IQGAP2: variants seen among roughly 807,000 people sequenced by gnomAD.
IQGAP2 encodes the protein IQ motif containing GTPase activating protein 2.
A neutral mutation model predicts 201.3 loss-of-function variants in IQGAP2; 173 were observed. The ratio of observed to expected loss-of-function variants is 0.86; its 90% CI spans 0.76 to 0.98. The LOEUF (loss-of-function observed/expected upper bound fraction) is 0.98, where lower values mean the gene tolerates loss of function less well. IQGAP2 is among the 50% of genes least tolerant of loss of function. The probability of loss-of-function intolerance (pLI) is 0.00; values close to 1 mark genes in which losing one functional copy is unlikely to be tolerated. For missense variants in IQGAP2, 1,687 were observed against 1,864.8 expected (o/e 0.90, Z 1.76); for synonymous variants, 675 against 673.9 (o/e 1.00, Z -0.03).
At chr5:76,660,598 A>G (rs1743162980) in intron 21 of IQGAP2, among the ~76,000 whole-genome samples, 1 of 152,236 alleles carries the variant, frequency 6.6e-6, no homozygotes, top group East Asian at 1.9e-4. Context: ...AAACACAATC[A>G]TGGCAAGTTA....
chr5:76,673,368 C>A, intron 24 of IQGAP2, 81 bp from the exon 25 acceptor site: 1 of 1,465,232 alleles, frequency 6.8e-7, no homozygotes, highest in South Asian at 1.3e-5. Context: ...CTATACAAAG[C>A]TTGACTATAG....
At chr5:76,637,923 G>A (rs560717989) in intron 16 of IQGAP2, among the ~76,000 whole-genome samples, 1 of 152,238 alleles carries the variant, frequency 6.6e-6, no homozygotes, top group African/African-American at 2.4e-5. Flanking sequence ...ACTACTAAAG[G>A]TCCCTTTTAA....
intron 23 of IQGAP2, among the ~76,000 whole-genome samples, chr5:76,670,820 T>C (rs546001183): frequency 7.5e-4 from 115 of 152,338 alleles, no homozygotes; most frequent in African/African-American, 2.6e-3. Context: ...AAGTTGTTTT[T>C]GAAATTTGAT....
chr5:76,404,756 T>C (rs1750703958), intron 1 of IQGAP2, among the ~76,000 whole-genome samples: 4 of 152,238 alleles, frequency 2.6e-5, no homozygotes, highest in Admixed American at 1.3e-4. Flanking sequence ...CTACAGCCTC[T>C]GTACTCTAAT....
chr5:76,611,124 C>T lies in IQGAP2; in HGVS notation c.1462C>T (p.Pro488Ser), dbSNP rs756855268. 1.9e-6 allele frequency: 3 copies of T among 1,613,860 alleles called. No individual in the cohort carries two copies. In the Admixed American group the frequency reaches 5.0e-5, roughly 27 times the overall value. ...LPTANISDVD[P>S]AHAQHYQDVL... ...TACTGCGAATATTAGTGATGTGGAC[C>T]CAGCCCATGCCCAGCACTACCAGGA... is the stretch of plus-strand genomic sequence containing the variant. The change falls in exon 13 of 36, where the codon CCA becomes TCA. Residue 488 changes from proline (P) to serine (S), a missense_variant. Coordinates refer to ENST00000274364, the MANE Select transcript of IQGAP2 (RefSeq NM_006633.5).
chr5:76,624,269 A>G (rs1434359566), intron 13 of IQGAP2: 1 of 152,284 alleles, frequency 6.6e-6, no homozygotes, highest in African/African-American at 2.4e-5. Context: ...CTTAATATAC[A>G]GTAAAAAAAT....
chr5:76,548,619 G>A (rs1743243438), intron 2 of IQGAP2, among the ~76,000 whole-genome samples: 1 of 152,186 alleles, frequency 6.6e-6, no homozygotes, highest in African/African-American at 2.4e-5. Flanking sequence ...GTAATCTTGA[G>A]CAAATTACTT....
rs532360919 is a variant in IQGAP2, at chr5:76,546,782, T to G, written c.147-15614T>G. On this transcript the variant is annotated intron_variant, in intron 2 of 35. Coordinates refer to ENST00000274364, the MANE Select transcript of IQGAP2 (RefSeq NM_006633.5). ...ACACATGTCAGGAAAGAATGGTGCT[T>G]GGGATGCTCCTCCTATCTGTGCCTC... Among the ~76,000 whole-genome samples, 4 of 152,286 alleles carry G rather than the reference T, an allele frequency of 2.6e-5. No homozygotes were observed. In the South Asian group the frequency reaches 8.3e-4, roughly 32 times the overall value.
At chr5:76,580,419 C>T (rs565767336) in intron 5 of IQGAP2, among the ~76,000 whole-genome samples, 13 of 152,196 alleles carry the variant, frequency 8.5e-5, no homozygotes, top group Middle Eastern at 6.8e-3. Flanking sequence ...GGCAACAGAG[C>T]GAGACTCCGT....
intron 2 of IQGAP2, among the ~76,000 whole-genome samples, chr5:76,512,361 G>A: frequency 6.6e-6 from 1 of 152,214 alleles, no homozygotes; most frequent in East Asian, 1.9e-4. Context: ...ACCTTAGGAG[G>A]ATTGGGAGCT....
intron 9 of IQGAP2, among the ~76,000 whole-genome samples, chr5:76,593,451 C>A (rs375728817): frequency 6.6e-6 from 1 of 152,236 alleles, no homozygotes; most frequent in East Asian, 1.9e-4. Context: ...GAGTCCCACA[C>A]CCCTGAGCCT....
rs1751193549 is a variant in IQGAP2 at position 76,637,065 on chromosome 5, C to A, written c.1812C>A (p.Asn604Lys). 6.2e-7 allele frequency: 1 copy of A among 1,611,200 alleles called. No individual in the cohort carries two copies. The highest frequency in any genetic ancestry group is 8.5e-7 in the Non-Finnish European group (1 of 1,178,358). ...GTGACGGTTCATGGCTCAAACTCAA[C>A]CTGCACAAAAAATATGACTACTATT... ...VSSDGSWLKL[N>K]LHKKYDYYYN... The change falls in exon 16 of 36, where the codon AAC (asparagine) becomes AAA (lysine). Residue 604 changes from asparagine to lysine, a missense_variant. Asn to Lys is a moderately conservative substitution (Grantham distance 94). Coordinates refer to ENST00000274364, the MANE Select transcript of IQGAP2 (RefSeq NM_006633.5).
At chr5:76,634,154 C>T (rs186151264) in intron 15 of IQGAP2, among the ~76,000 whole-genome samples, 44 of 152,182 alleles carry the variant, frequency 2.9e-4, no homozygotes, top group Admixed American at 7.2e-4. Context: ...CACTGAAATC[C>T]AGCCACACAT....
In IQGAP2 at chr5:76,631,872, G is replaced by A. The variant is rs755832515; in HGVS notation, c.1626G>A (p.Val542=). ...KDRAKQWVTL[V]VDVNQCLEGK... Reference sequence around the variant, plus strand: ...TCAATTACCCAGGGGTTACTCTGGTGGTTGATGTTAATCAGTGTTTGGAAG... The same window carrying A: ...TCAATTACCCAGGGGTTACTCTGGTAGTTGATGTTAATCAGTGTTTGGAAG... Residue 542 remains valine, a synonymous_variant, in exon 15 of 36, where the codon GTG becomes GTA. Transcript: ENST00000274364. 3 of 1,590,540 alleles carry A rather than the reference G, an allele frequency of 1.9e-6. No homozygotes were observed. The Admixed American group carries it at 5.2e-5, about 28-fold the overall frequency.
At chr5:76,597,819 C>T (rs575053130) in intron 10 of IQGAP2, among the ~76,000 whole-genome samples, 11 of 152,218 alleles carry the variant, frequency 7.2e-5, no homozygotes, top group South Asian at 2.1e-4. Context: ...TAGGAAATTC[C>T]AGCAGTGGTC....
intron 11 of IQGAP2, among the ~76,000 whole-genome samples, 190 bp from the exon 12 acceptor site, chr5:76,605,989 T>A (rs1466023102): frequency 6.6e-6 from 1 of 152,200 alleles, no homozygotes; most frequent in South Asian, 2.1e-4. Flanking sequence ...AAAAATACTT[T>A]AAGAAAACAC....
At chr5:76,546,729 G>A (rs1364204649) in intron 2 of IQGAP2, among the ~76,000 whole-genome samples, 1 of 152,130 alleles carries the variant, frequency 6.6e-6, no homozygotes, top group Admixed American at 6.5e-5. Context: ...TGGTCTTGCC[G>A]CTTGCACTGT....
In IQGAP2 at chr5:76,606,318, C is replaced by A. The variant is rs752994702; in HGVS notation, c.1357+15C>A. The stretch of plus-strand genomic sequence containing the variant: ...AGAAAATGACCGTAAGTATAAGACA[C>A]TTTCCTTCTCTAGCATAGTGGGAGA... On this transcript the variant is annotated intron_variant, in intron 12 of 35. Coordinates refer to ENST00000274364, the MANE Select transcript of IQGAP2 (RefSeq NM_006633.5). 2 of 1,571,098 alleles carry A rather than the reference C, an allele frequency of 1.3e-6. No individual in the cohort carries two copies. Among genetic ancestry groups the A allele is most frequent in the South Asian group, 1.2e-5 (1 of 81,662 alleles).
At chr5:76,564,970 G>C (rs1031971294) in intron 3 of IQGAP2, among the ~76,000 whole-genome samples, 1 of 152,234 alleles carries the variant, frequency 6.6e-6, no homozygotes, top group Non-Finnish European at 1.5e-5. Flanking sequence ...CTACAGAAAA[G>C]AGGTTTGTTT....
Sources: gnomAD v4.1 joint callset for allele counts (sites outside exome capture counted in the v4.1 genomes callset) on GRCh38, gnomAD v4.1.1 for gene constraint, MANE v1.5 for transcripts, NCBI Gene and HGNC (gene_info 2026-07-23, HGNC 2026-07-21) for gene names.